PHKB: variants seen among roughly 807,000 people sequenced by gnomAD.
The protein encoded by PHKB is phosphorylase kinase regulatory subunit beta.
Under a neutral mutation model 152.1 loss-of-function variants are expected in PHKB, and 122 were observed. The ratio of observed to expected loss-of-function variants is 0.80; its 90% confidence interval spans 0.69 to 0.93. The LOEUF is 0.93. Among genes scored for constraint, PHKB ranks in the 40% least tolerant of loss-of-function variants. The pLI, the probability that PHKB is intolerant of heterozygous loss-of-function variation, is 0.00. For missense variants in PHKB, 1,304 were observed against 1,328.4 expected (o/e 0.98, Z 0.29); for synonymous variants, 436 against 464.9 (o/e 0.94, Z 0.80).
chr16:47,573,624 CCTT>C (rs1237669685), intron 7 of PHKB, among the ~76,000 whole-genome samples: 1 of 152,174 alleles, frequency 6.6e-6, no homozygotes, highest in Non-Finnish European at 1.5e-5. Context: ...GGTTGTAAGT[CCTT>C]CTGCCCAAGA....
At chr16:47,663,032 A>G (rs1973470503) in intron 23 of PHKB, among the ~76,000 whole-genome samples, 1 of 152,212 alleles carries the variant, frequency 6.6e-6, no homozygotes, top group South Asian at 2.1e-4. Context: ...TTTGAAAATC[A>G]TATGCATCTA....
chr16:47,505,749 T>C (rs2151646208), intron 4 of PHKB, among the ~76,000 whole-genome samples: 1 of 152,250 alleles, frequency 6.6e-6, no homozygotes, highest in East Asian at 1.9e-4. Flanking sequence ...TTGAAAATAA[T>C]AGGCCAGGCA....
At position 47,664,846 on chromosome 16, in the gene PHKB, T is replaced by C; in HGVS notation, c.2337-39T>C. On this transcript the variant is annotated intron_variant, in intron 24 of 30. Coordinates refer to ENST00000323584, the MANE Select transcript of PHKB (RefSeq NM_000293.3). ...AAGAACTCCTGGAAGTTTTATTTAC[T>C]CTATTTTCCCTTTTATGGCTTTCCA... is the stretch of plus-strand genomic sequence containing the variant. The C allele has an allele frequency of 2.3e-6, 3 of 1,315,218 alleles. No homozygotes were observed. The South Asian group carries it at 3.6e-5, about 16-fold the overall frequency. The allele number at this position is 1,315,218 out of a possible 1,614,324, so 81.5% of individuals were successfully genotyped here.
Position 47,678,076 on chromosome 16 carries a change from A to G in PHKB, c.2630+8659A>G, listed in dbSNP as rs191274782. Among the ~76,000 whole-genome samples, 273 of 152,024 alleles carry G rather than the reference A, an allele frequency of 1.8e-3. 2 individuals carry two copies. The highest frequency in any genetic ancestry group is 3.1e-3 in the Non-Finnish European group (208 of 67,982). ...AGAATGATGGTTTCCAGTTTCATCC[A>G]TGTCCCTACAAAGGACCTGAACTCA... On this transcript the variant is annotated intron_variant, in intron 26 of 30. Coordinates refer to ENST00000323584, the MANE Select transcript of PHKB (RefSeq NM_000293.3).
intron 7 of PHKB, among the ~76,000 whole-genome samples, chr16:47,552,044 CT>C (rs879822475): frequency 2.0e-5 from 3 of 151,888 alleles, no homozygotes; most frequent in East Asian, 1.9e-4. Flanking sequence ...ACCCTGCTTT[CT>C]TTTTTTTCTT....
rs183966015 is a variant in PHKB, at chr16:47,616,864, T to C, written c.1458+5944T>C. On this transcript the variant is annotated intron_variant, in intron 14 of 30. Transcript: ENST00000323584. ...CACATATTTATTGACAGCAAGCCAG[T>C]CATAAGATTTAAAGGGATGGGCTGA... Among the ~76,000 whole-genome samples, 407 of 151,532 alleles carry C rather than the reference T, an allele frequency of 2.7e-3. 2 individuals carry two copies. The highest frequency in any genetic ancestry group is 9.4e-3 in the African/African-American group (389 of 41,410).
At chr16:47,597,077 C>A (rs1972133316) in intron 13 of PHKB, among the ~76,000 whole-genome samples, 1 of 152,122 alleles carries the variant, frequency 6.6e-6, no homozygotes, top group Admixed American at 6.5e-5. Context: ...GAAATGAAGA[C>A]AAATTTGATA....
chr16:47,479,040 C>T (rs1444408212), intron 1 of PHKB, among the ~76,000 whole-genome samples: 1 of 152,150 alleles, frequency 6.6e-6, no homozygotes, highest in Admixed American at 6.5e-5. Context: ...ATTCCTTCCA[C>T]GAAATAAGGG....
rs1597171074 is a variant in PHKB, at chr16:47,676,537, A to T, written c.2630+7120A>T. On this transcript the variant is annotated intron_variant, in intron 26 of 30. Transcript: ENST00000323584. ...ATTCCCTTGCATTGAGTATACTTTT[A>T]TCTCAGGTTTAACTACTCTCTCTTA... 6 of 152,236 alleles carry T rather than the reference A, an allele frequency of 3.9e-5. No homozygotes were observed. In the South Asian group the frequency reaches 1.2e-3, roughly 32 times the overall value. The allele number at this position is 152,236 out of a possible 1,614,324, so 9.4% of individuals were successfully genotyped here. A position where few individuals can be genotyped will look rare whatever the true frequency, so the allele number is the denominator to read the frequency against.
intron 1 of PHKB, among the ~76,000 whole-genome samples, chr16:47,491,604 C>T (rs1970151598): frequency 6.6e-6 from 1 of 152,176 alleles, no homozygotes; most frequent in Admixed American, 6.5e-5. Context: ...ACACTCAACA[C>T]ATATATAGCT....
intron 13 of PHKB, 142 bp downstream of exon 13, chr16:47,596,673 G>A (rs747913013): frequency 6.9e-6 from 5 of 721,560 alleles, no homozygotes; most frequent in East Asian, 2.5e-5. Flanking sequence ...CTAGTATCTA[G>A]TGGTATATTA....
At chr16:47,518,576 G>C (rs146860626) in intron 6 of PHKB, among the ~76,000 whole-genome samples, 1 of 152,044 alleles carries the variant, frequency 6.6e-6, no homozygotes, top group Non-Finnish European at 1.5e-5. Context: ...AACATCTTTC[G>C]TTGCCTACAC....
At chr16:47,672,356 A>G (rs778761028) in intron 26 of PHKB, among the ~76,000 whole-genome samples, 2 of 152,164 alleles carry the variant, frequency 1.3e-5, no homozygotes, top group Non-Finnish European at 2.9e-5. Context: ...TTGACTCCAC[A>G]TGAGGATAGA....
In PHKB at chr16:47,689,372, G is replaced by T. The variant is rs141293380; in HGVS notation, c.2765+197G>T. On this transcript the variant is annotated intron_variant, in intron 27 of 30. Coordinates refer to ENST00000323584, the MANE Select transcript of PHKB (RefSeq NM_000293.3). Reference sequence around the variant, plus strand: ...CTGTCTTCAATTATTATTTTGCATTGATTTGAATTTTATGCTTTTTTTCCA... The same window carrying T: ...CTGTCTTCAATTATTATTTTGCATTTATTTGAATTTTATGCTTTTTTTCCA... 3.2e-3 allele frequency among the ~76,000 whole-genome samples: 490 copies of T among 152,048 alleles called. 3 individuals carry two copies. The highest frequency in any genetic ancestry group is 0.011 in the African/African-American group (460 of 41,460).
At chr16:47,576,836 A>G (rs192252058) in intron 7 of PHKB, among the ~76,000 whole-genome samples, 1 of 152,150 alleles carries the variant, frequency 6.6e-6, no homozygotes, top group East Asian at 1.9e-4. Context: ...AAGCATGTCT[A>G]TATTGTTATA....
At chr16:47,583,653 G>T (rs1054717851) in intron 8 of PHKB, among the ~76,000 whole-genome samples, 2 of 152,128 alleles carry the variant, frequency 1.3e-5, no homozygotes, top group African/African-American at 4.8e-5. Flanking sequence ...TGAATGATCG[G>T]AAGATTGAGG....
intron 6 of PHKB, among the ~76,000 whole-genome samples, chr16:47,538,535 C>T (rs913433574): frequency 6.6e-6 from 1 of 152,248 alleles, no homozygotes; most frequent in East Asian, 1.9e-4. Context: ...GTTGCTCTTT[C>T]CTTCACTGAA....
intron 7 of PHKB, among the ~76,000 whole-genome samples, chr16:47,567,755 C>A (rs1971594033): frequency 6.6e-6 from 1 of 152,138 alleles, no homozygotes; most frequent in East Asian, 1.9e-4. Flanking sequence ...TGAAGGGATG[C>A]TGGATTTTAT....
At chr16:47,694,969 A>G (rs1260539655) in intron 28 of PHKB, among the ~76,000 whole-genome samples, 3 of 152,230 alleles carry the variant, frequency 2.0e-5, no homozygotes, top group Admixed American at 6.5e-5. Context: ...ATTTTTATGC[A>G]CCAAGCACTT....
Sources: gnomAD v4.1 joint callset for allele counts (sites outside exome capture counted in the v4.1 genomes callset) on GRCh38, gnomAD v4.1.1 for gene constraint, MANE v1.5 for transcripts, NCBI Gene and HGNC (gene_info 2026-07-23, HGNC 2026-07-21) for gene names.